The following XKRX variants were observed in gnomAD, a reference collection of about 807,000 sequenced individuals.
XKRX encodes XK-related protein 2.
In XKRX, 11 loss-of-function variants were observed where a neutral mutation model predicts 22.4. The observed-to-expected ratio is 0.49, with a 90% CI of 0.31 to 0.81. The LOEUF is 0.81. XKRX is among the 40% of genes least tolerant of loss of function. The probability of loss-of-function intolerance (pLI) is 0.05; values close to 1 mark genes in which losing one functional copy is unlikely to be tolerated. For synonymous variants in XKRX, 114 were observed against 132.2 expected, an observed-to-expected ratio of 0.86 and a Z score of 0.94; for missense variants, 320 against 336.5, an observed-to-expected ratio of 0.95 and a Z score of 0.38.
chrX:100,934,837 G>A, the XKRX span, among the ~76,000 whole-genome samples: 2 of 112,120 alleles, frequency 1.8e-5, no homozygotes, highest in African/African-American at 6.5e-5. Flanking sequence ...GTGTTCAGCC[G>A]TGTATGATGG....
chrX:100,911,171 T>G, downstream of XKRX: 1 of 604,386 alleles, frequency 1.7e-6, no homozygotes, highest in Non-Finnish European at 2.9e-6. Flanking sequence ...TAAAGTCTGC[T>G]TTGTTGGAGA....
upstream of XKRX, among the ~76,000 whole-genome samples, chrX:100,931,397 C>A (rs776589253): frequency 1.6e-3 from 176 of 111,119 alleles, no homozygotes; most frequent in Non-Finnish European, 2.7e-3. Flanking sequence ...ACAAGGCCAG[C>A]CAGTTTTCTC....
chrX:100,900,566 C>A, the XKRX span, among the ~76,000 whole-genome samples: 2 of 109,513 alleles, frequency 1.8e-5, no homozygotes, highest in East Asian at 2.9e-4. Flanking sequence ...CTTTGCAGAG[C>A]CGAGGTGGGA....
upstream of XKRX, among the ~76,000 whole-genome samples, chrX:100,933,478 T>TA (rs368739515): frequency 0.054 from 2,734 of 50,305 alleles, 132 homozygotes; most frequent in African/African-American, 0.15. Context: ...AGATTCCGTC[T>TA]AAAAAAAAAA....
chrX:100,916,420 G>C (rs2085436273), intron 2 of XKRX, among the ~76,000 whole-genome samples: 1 of 111,739 alleles, frequency 8.9e-6, no homozygotes, highest in Admixed American at 9.5e-5. Context: ...TAAAAAGCAT[G>C]GGTCTTAGAA....
At chrX:100,936,612 G>A in the XKRX span, among the ~76,000 whole-genome samples, 2 of 103,720 alleles carry the variant, frequency 1.9e-5, no homozygotes, top group Non-Finnish European at 4.0e-5. Flanking sequence ...AGGAAGGAAG[G>A]CAGGCAGGCC....
the XKRX span, among the ~76,000 whole-genome samples, chrX:100,888,968 G>A: frequency 9.0e-6 from 1 of 111,163 alleles, no homozygotes; most frequent in African/African-American, 3.3e-5. Flanking sequence ...GCTGGGTGCA[G>A]TGGCTCATGC....
chrX:100,900,234 A>AT, the XKRX span, among the ~76,000 whole-genome samples: 2 of 110,097 alleles, frequency 1.8e-5, no homozygotes, highest in Non-Finnish European at 3.8e-5. Flanking sequence ...ATAATTTTTT[A>AT]TTTTTTGTAG....
the XKRX span, among the ~76,000 whole-genome samples, chrX:100,938,493 G>A: frequency 1.8e-5 from 2 of 111,092 alleles, no homozygotes; most frequent in Non-Finnish European, 3.8e-5. Context: ...GCCGGGCGTG[G>A]TGGCATGCTC....
the XKRX span, among the ~76,000 whole-genome samples, chrX:100,897,154 ATATACT>A: frequency 4.5e-5 from 5 of 111,702 alleles, no homozygotes; most frequent in African/African-American, 1.6e-4. Flanking sequence ...TATGAAGTTA[ATATACT>A]TAGAAACAAA....
upstream of XKRX, among the ~76,000 whole-genome samples, chrX:100,933,167 C>CA (rs368329309): frequency 0.01 from 862 of 85,707 alleles, 9 homozygotes; most frequent in African/African-American, 0.032. Flanking sequence ...AACTCTGTCT[C>CA]AAAAAAAAAA....
the XKRX span, among the ~76,000 whole-genome samples, chrX:100,900,944 C>T: frequency 2.8e-5 from 3 of 108,822 alleles, no homozygotes; most frequent in Admixed American, 2.0e-4. Flanking sequence ...AGCCCACCAC[C>T]ACGCCTGGCT....
At chrX:100,887,373 A>G in the XKRX span, among the ~76,000 whole-genome samples, 1 of 112,519 alleles carries the variant, frequency 8.9e-6, no homozygotes, top group Non-Finnish European at 1.9e-5. Context: ...GTGCAAGGAA[A>G]AAAATCTACA....
chrX:100,897,593 A>ATGTGTGTGTG, the XKRX span, among the ~76,000 whole-genome samples: 84 of 66,460 alleles, frequency 1.3e-3, 2 homozygotes, highest in East Asian at 4.1e-3. Flanking sequence ...AAATATATAT[A>ATGTGTGTGTG]TGTGTGTGTG....
At chrX:100,945,732 G>A in the XKRX span, among the ~76,000 whole-genome samples, 2 of 103,627 alleles carry the variant, frequency 1.9e-5, no homozygotes, top group Admixed American at 1.1e-4. Context: ...GCTTGAACCC[G>A]GGAGGCAGAG....
At chrX:100,948,283 T>C in the XKRX span, among the ~76,000 whole-genome samples, 1 of 111,459 alleles carries the variant, frequency 9.0e-6, no homozygotes, top group Non-Finnish European at 1.9e-5. Context: ...CAAAATAGCA[T>C]AACCAAAGAA....
the XKRX span, among the ~76,000 whole-genome samples, chrX:100,902,899 G>A: frequency 4.6e-5 from 5 of 108,793 alleles, no homozygotes; most frequent in Non-Finnish European, 9.5e-5. Flanking sequence ...ACAGGTGCCC[G>A]CCACCATGCC....
At chrX:100,959,306 C>T in the XKRX span, among the ~76,000 whole-genome samples, 3 of 110,433 alleles carry the variant, frequency 2.7e-5, no homozygotes, top group Admixed American at 9.7e-5. Flanking sequence ...TATTTTATTG[C>T]CAGAAAAAAT....
At chrX:100,895,699 T>C in the XKRX span, among the ~76,000 whole-genome samples, 4 of 111,884 alleles carry the variant, frequency 3.6e-5, no homozygotes, top group Non-Finnish European at 7.5e-5. Context: ...TAATAATGAA[T>C]AGAAAGCAAG....
Sources: allele counts gnomAD v4.1 joint callset (sites outside exome capture counted in the v4.1 genomes callset), GRCh38; gene constraint gnomAD v4.1.1; transcripts MANE v1.5; gene names NCBI Gene and HGNC (gene_info 2026-07-23, HGNC 2026-07-21).